OCRL: variants seen among roughly 807,000 people sequenced by gnomAD.
OCRL encodes inositol polyphosphate 5-phosphatase OCRL.
OCRL carries 8 observed loss-of-function variants against 78.9 expected under a neutral mutation model. The observed-to-expected ratio is 0.10, with a 90% CI of 0.06 to 0.18. The LOEUF is 0.18. Among genes scored for constraint, OCRL ranks in the 10% least tolerant of loss-of-function variants. OCRL has a pLI of 1.00. For missense variants in OCRL, 454 were observed against 696.7 expected (o/e 0.65, Z 3.92); for synonymous variants, 240 against 235.4 (o/e 1.02, Z -0.18).
At chrX:129,579,163 G>A (rs944450760) in intron 18 of OCRL, among the ~76,000 whole-genome samples, 2 of 111,371 alleles carry the variant, frequency 1.8e-5, no homozygotes, top group East Asian at 2.8e-4. Flanking sequence ...AAAAAGTTTC[G>A]AGTTTTGGAG....
chrX:129,576,548 A>G lies in OCRL; in HGVS notation c.2111A>G (p.Asp704Gly). Residue 704 changes from aspartate (D) to glycine (G), a missense_variant, in exon 18 of 24, where the codon GAC becomes GGC. Asp to Gly is a moderately conservative substitution (Grantham distance 94, BLOSUM62 -1). Around this residue, in one of 2 missense-constraint regions of OCRL, gnomAD observed 277 missense variants for 517.1 expected, o/e 0.54. Coordinates refer to ENST00000371113, the MANE Select transcript of OCRL (RefSeq NM_000276.4). ...GAAGTTCCTGTTACCAAACTCATAG[A>G]CTTGGTAAGAACTGTCCCAAGACAT... is the stretch of plus-strand genomic sequence containing the variant. ...IREVPVTKLI[D>G]LEEDSFLEKE... is the part of the protein sequence containing the mutation. The G allele has an allele frequency of 8.6e-7, 1 of 1,167,718 alleles. No homozygotes were observed. The highest frequency in any genetic ancestry group is 1.2e-6 in the Non-Finnish European group (1 of 855,752).
chrX:129,540,402 C>G lies in OCRL; in HGVS notation c.-38C>G, dbSNP rs1392882590. The G allele has an allele frequency of 1.7e-6, 2 of 1,150,408 alleles. No individual in the cohort carries two copies. Among genetic ancestry groups the G allele is most frequent in the South Asian group, 3.8e-5 (2 of 52,437 alleles). The allele number at this position is 1,150,408 out of a possible 1,213,427, so 94.8% of individuals were successfully genotyped here. On this transcript the variant is annotated 5_prime_UTR_variant, in exon 1 of 24. Transcript: ENST00000371113. ...GGGAGCCAGTGTCGTCGGATCGGCC[C>G]GCAGTCCGCTGTCCTGCTGAGCCCG... is the stretch of plus-strand genomic sequence containing the variant.
intron 1 of OCRL, 88 bp from the exon 2 acceptor site, chrX:129,540,654 TGG>T: frequency 4.4e-6 from 2 of 458,722 alleles, no homozygotes; most frequent in Non-Finnish European, 3.5e-6. Flanking sequence ...AGGGCGGCGG[TGG>T]GGGGGGGGTG....
chrX:129,576,997 ACCC>A (rs2124419571), intron 18 of OCRL, among the ~76,000 whole-genome samples: 1 of 111,590 alleles, frequency 9.0e-6, no homozygotes, highest in African/African-American at 3.2e-5. Flanking sequence ...CAAATCTAGC[ACCC>A]AGATTTCCTG....
intron 2 of OCRL, among the ~76,000 whole-genome samples, chrX:129,543,050 T>G (rs917529310): frequency 1.8e-5 from 2 of 112,022 alleles, no homozygotes; most frequent in Non-Finnish European, 3.8e-5. Context: ...CCTTTAACCT[T>G]CCTTGAACAA....
Position 129,576,022 on chromosome X carries a change from A to G in OCRL, c.1839A>G (p.Pro613=). 1.7e-6 allele frequency: 2 copies of G among 1,211,569 alleles called. No individual in the cohort carries two copies. The highest frequency in any genetic ancestry group is 2.2e-6 in the Non-Finnish European group (2 of 895,200). ...PKLNDSQYCK[P]WLRAEPFEGY... Reference sequence around the variant, plus strand: ...TTAATGACAGCCAGTACTGCAAGCCATGGCTTCGGGCTGAACCTTTTGAGG... The same window carrying G: ...TTAATGACAGCCAGTACTGCAAGCCGTGGCTTCGGGCTGAACCTTTTGAGG... Residue 613 remains proline (P), a synonymous_variant, in exon 17 of 24, where the codon CCA becomes CCG. Transcript: ENST00000371113.
At chrX:129,563,094 A>G (rs1370298822) in intron 12 of OCRL, among the ~76,000 whole-genome samples, 1 of 111,959 alleles carries the variant, frequency 8.9e-6, no homozygotes, top group Non-Finnish European at 1.9e-5. Flanking sequence ...GTAATAAAAG[A>G]TAAAATTAGA....
chrX:129,540,279 A>AGCTCCCAGCTCCCCGCTCCCG lies in OCRL; in HGVS notation c.-154_-134dup. 1 of 566,591 alleles carries AGCTCCCAGCTCCCCGCTCCCG rather than the reference A, an allele frequency of 1.8e-6. No homozygotes were observed. 46.7% of individuals were successfully genotyped at this position (566,591 alleles called of 1,213,427 possible). A position where few individuals can be genotyped will look rare whatever the true frequency, so the allele number is the denominator to read the frequency against. ...CCGCTCTCTCTTGGGTCAGATTCTC[A>AGCTCCCAGCTCCCCGCTCCCG]GCTCCCAGCTCCCCGCTCCCGGCTC... On this transcript the variant is annotated 5_prime_UTR_variant, in exon 1 of 24. Coordinates refer to ENST00000371113, the MANE Select transcript of OCRL (RefSeq NM_000276.4).
chrX:129,554,904 A>G lies in OCRL; in HGVS notation c.239-2421A>G, dbSNP rs181933183. 8.3e-3 allele frequency among the ~76,000 whole-genome samples: 901 copies of G among 108,307 alleles called. 14 individuals are homozygous for G. The highest frequency in any genetic ancestry group is 0.029 in the African/African-American group (855 of 29,714). 94.1% of individuals were successfully genotyped at this position (108,307 alleles called of 115,157 possible). A position where few individuals can be genotyped will look rare whatever the true frequency, so the allele number is the denominator to read the frequency against. ...GAGGTGGAGGTTGCAGTGAGCCGAG[A>G]TCGCGGCATTGCATTCCAGCCTGGG... On this transcript the variant is annotated intron_variant, in intron 4 of 23. Coordinates refer to ENST00000371113, the MANE Select transcript of OCRL (RefSeq NM_000276.4).
At chrX:129,573,096 C>G (rs1429020389) in intron 15 of OCRL, among the ~76,000 whole-genome samples, 1 of 111,969 alleles carries the variant, frequency 8.9e-6, no homozygotes, top group Non-Finnish European at 1.9e-5. Context: ...ACTATGGACC[C>G]TGGTGATGGT....
chrX:129,554,260 A>G (rs766491787), intron 4 of OCRL: 2 of 111,120 alleles, frequency 1.8e-5, no homozygotes, highest in Non-Finnish European at 3.8e-5. Context: ...TGGTGTTTCT[A>G]TGATGACAAA....
intron 3 of OCRL, among the ~76,000 whole-genome samples, chrX:129,546,870 G>A (rs1217581901): frequency 9.0e-6 from 1 of 111,243 alleles, no homozygotes; most frequent in African/African-American, 3.3e-5. Context: ...CATGACTAAA[G>A]GAAGACTTAC....
At chrX:129,545,081 C>A in intron 3 of OCRL, 44 bp downstream of exon 3, 1 of 694,865 alleles carries the variant, frequency 1.4e-6, no homozygotes, top group Non-Finnish European at 2.3e-6. Context: ...TGTTTTTTCT[C>A]GGTCATTACT....
chrX:129,564,811 T>G (rs1225997372), intron 12 of OCRL, among the ~76,000 whole-genome samples: 1 of 110,657 alleles, frequency 9.0e-6, no homozygotes, highest in Non-Finnish European at 1.9e-5. Flanking sequence ...GCATGGCACA[T>G]GTATACATAT....
rs1164096680 is a variant in OCRL, at chrX:129,558,631, A to C, written c.440-2A>C. The C allele has an allele frequency of 8.3e-7, 1 of 1,211,490 alleles. No homozygotes were observed. Among genetic ancestry groups the C allele is most frequent in the African/African-American group, 1.7e-5 (1 of 57,818 alleles). Reference sequence around the variant, plus strand: ...TTTGACTTTGGGGTCTGTGTCTTTCAGGGCTTCTTGGATTTGAAGACAATT... The same window carrying C: ...TTTGACTTTGGGGTCTGTGTCTTTCCGGGCTTCTTGGATTTGAAGACAATT... On this transcript the variant is annotated splice_acceptor_variant, in intron 6 of 23. Transcript: ENST00000371113. LOFTEE classifies it high-confidence loss of function.
At chrX:129,572,663 G>C (rs961418328) in intron 15 of OCRL, among the ~76,000 whole-genome samples, 2 of 112,257 alleles carry the variant, frequency 1.8e-5, no homozygotes, top group Non-Finnish European at 3.8e-5. Context: ...CTAGGATAGG[G>C]TTCCAACCCT....
intron 4 of OCRL, among the ~76,000 whole-genome samples, chrX:129,555,419 A>G (rs766561640): frequency 8.9e-5 from 10 of 111,879 alleles, no homozygotes; most frequent in African/African-American, 3.3e-4. Flanking sequence ...GGTTGCAGTG[A>G]GCCGAGATCA....
At chrX:129,560,724 A>G in intron 9 of OCRL, 73 bp downstream of exon 9, 1 of 713,537 alleles carries the variant, frequency 1.4e-6, no homozygotes, top group Non-Finnish European at 2.2e-6. Context: ...TGCCTTTTTT[A>G]AAAAAGACTG....
chrX:129,553,391 G>A (rs1044279933), intron 4 of OCRL: 1 of 112,110 alleles, frequency 8.9e-6, no homozygotes, highest in Non-Finnish European at 1.9e-5. Flanking sequence ...AAACGTGACT[G>A]GAGGGGAATA....
Sources: allele counts gnomAD v4.1 joint callset (sites outside exome capture counted in the v4.1 genomes callset), GRCh38; gene constraint gnomAD v4.1.1; regional missense constraint gnomAD v4.1.1; transcripts MANE v1.5; gene names NCBI Gene and HGNC (gene_info 2026-07-23, HGNC 2026-07-21).